MAVS: variants seen among roughly 807,000 people sequenced by gnomAD.
The protein encoded by MAVS is mitochondrial antiviral-signaling protein.
Under a neutral mutation model 30.2 loss-of-function variants are expected in MAVS, and 20 were observed. The ratio of observed to expected loss-of-function variants is 0.66; its 90% confidence interval spans 0.47 to 0.96. The LOEUF (loss-of-function observed/expected upper bound fraction) is 0.96. Among genes scored for constraint, MAVS ranks in the 40% least tolerant of loss-of-function variants. The pLI is 0.00. For missense variants in MAVS, 624 were observed against 701.1 expected, an observed-to-expected ratio of 0.89 and a Z score of 1.24; for synonymous variants, 278 against 293.9, an observed-to-expected ratio of 0.95 and a Z score of 0.55.
chr20:3,874,014 C>G lies in MAVS; in HGVS notation c.*7867C>G. On this transcript the variant is annotated 3_prime_UTR_variant, in exon 7 of 7. Coordinates refer to ENST00000428216, the MANE Select transcript of MAVS (RefSeq NM_020746.5). ...AACCTGAAACAACCCAAATGTCCAT[C>G]CACCAACCCAAATGTCCATCCACAG... 1 of 397,728 alleles carries G rather than the reference C, an allele frequency of 2.5e-6. No homozygotes were observed. The highest frequency in any genetic ancestry group is 4.4e-6 in the Non-Finnish European group (1 of 225,920). 24.6% of individuals were successfully genotyped at this position (397,728 alleles called of 1,614,324 possible). A position where few individuals can be genotyped will look rare whatever the true frequency, so the allele number is the denominator to read the frequency against.
intron 2 of MAVS, among the ~76,000 whole-genome samples, chr20:3,857,073 G>A (rs1314396035): frequency 1.3e-5 from 2 of 150,200 alleles, no homozygotes; most frequent in Non-Finnish European, 3.0e-5. Flanking sequence ...AAACTCTGCA[G>A]CCACTGTCAT....
rs570340628 is a variant in MAVS at position 3,848,395 on chromosome 20, G to C, written c.-68+1492G>C. 6.6e-5 allele frequency among the ~76,000 whole-genome samples: 10 copies of C among 152,262 alleles called. No individual in the cohort carries two copies. In the South Asian group the frequency reaches 8.3e-4, roughly 13 times the overall value. On this transcript the variant is annotated intron_variant, in intron 1 of 6. Coordinates refer to ENST00000428216, the MANE Select transcript of MAVS (RefSeq NM_020746.5). ...ATTCCAGGCGTGAGCCACCGCGCCCGGCCGAGAAAGGGATCTATTAACTCC... is the reference window on the plus strand; with the variant it reads ...ATTCCAGGCGTGAGCCACCGCGCCCCGCCGAGAAAGGGATCTATTAACTCC...
rs147063521 is a variant in MAVS, at chr20:3,870,975, G to A, written c.*4828G>A. ...GGCTCACTGCAACCTCCGCCTCCCA[G>A]GTTCAAGTGATTCTCCTGCTTCAGC... On this transcript the variant is annotated 3_prime_UTR_variant, in exon 7 of 7. Coordinates refer to ENST00000428216, the MANE Select transcript of MAVS (RefSeq NM_020746.5). 2 of 152,366 alleles carry A rather than the reference G, an allele frequency of 1.3e-5. No homozygotes were observed. The highest frequency in any genetic ancestry group is 2.9e-5 in the Non-Finnish European group (2 of 68,114). The allele number at this position is 152,366 out of a possible 1,614,324, so 9.4% of individuals were successfully genotyped here. A position where few individuals can be genotyped will look rare whatever the true frequency, so the allele number is the denominator to read the frequency against.
At chr20:3,854,886 C>CTTTTA in intron 2 of MAVS, 145 bp downstream of exon 2, 5 of 372,144 alleles carry the variant, frequency 1.3e-5, no homozygotes, top group East Asian at 5.4e-5. Flanking sequence ...GTCCTTGCTG[C>CTTTTA]TTTTCTTTTT....
In MAVS at chr20:3,865,780, G is replaced by A; in HGVS notation, c.1256G>A (p.Ser419Asn). The stretch of plus-strand genomic sequence containing the variant: ...AATAGGGGCCTTGGGTCGGAGCTGA[G>A]TAAGCCTGGCGTGCTGGCATCCCAG... ...SENRGLGSEL[S>N]KPGVLASQVD... The change falls in exon 7 of 7, where the codon AGT becomes AAT. Residue 419 changes from serine (S) to asparagine (N), a missense_variant. Transcript: ENST00000428216. This position sits in a 1 kb window ranked among gnomAD's most constrained non-coding sequence, Gnocchi z 4.7. The A allele has an allele frequency of 1.1e-5, 17 of 1,613,812 alleles. No individual in the cohort carries two copies. Among genetic ancestry groups the A allele is most frequent in the Non-Finnish European group, 1.4e-5 (17 of 1,180,004 alleles).
chr20:3,867,247 G>C lies in MAVS; in HGVS notation c.*1100G>C. ...AAGGGATTTATCTGTCTGTCCCTTA[G>C]TTTTCTCACCTGTAAAAGGAGGATA... On this transcript the variant is annotated 3_prime_UTR_variant, in exon 7 of 7. Coordinates refer to ENST00000428216, the MANE Select transcript of MAVS (RefSeq NM_020746.5). The C allele has an allele frequency of 2.8e-6, 1 of 358,160 alleles. No homozygotes were observed. The highest frequency in any genetic ancestry group is 2.1e-5 in the South Asian group (1 of 48,164). The allele number at this position is 358,160 out of a possible 1,614,324, so 22.2% of individuals were successfully genotyped here.
chr20:3,861,366 A>G lies in MAVS; in HGVS notation c.327A>G (p.Pro109=), dbSNP rs1404907920. The change falls in exon 4 of 7, where the codon CCA becomes CCG. Residue 109 remains proline, a synonymous_variant. Transcript: ENST00000428216. The part of the protein sequence containing the change: ...TSDRPPDPLE[P]PSLPAERPGP... ...ACCGTCCCCCAGACCCACTGGAGCC[A>G]CCGTCACTTCCTGCTGAGAGGCCAG... The G allele has an allele frequency of 6.2e-7, 1 of 1,613,940 alleles. No homozygotes were observed. The highest frequency in any genetic ancestry group is 8.5e-7 in the Non-Finnish European group (1 of 1,179,954).
Position 3,859,880 on chromosome 20 carries a change from C to G in MAVS, c.293-1452C>G, listed in dbSNP as rs745718190. ...CGCCCAGGCTGGAGTGCAGTGGTGCCATCTCAGCTCACTGCAAGCTCCGCC... is the reference window on the plus strand; with the variant it reads ...CGCCCAGGCTGGAGTGCAGTGGTGCGATCTCAGCTCACTGCAAGCTCCGCC... On this transcript the variant is annotated intron_variant, in intron 3 of 6. Coordinates refer to ENST00000428216, the MANE Select transcript of MAVS (RefSeq NM_020746.5). Among the ~76,000 whole-genome samples the G allele has an allele frequency of 1.2e-3, 173 of 148,242 alleles. 1 individual carries two copies. The highest frequency in any genetic ancestry group is 1.4e-3 in the Non-Finnish European group (93 of 66,586).
chr20:3,863,333 G>A (rs2089880547), intron 5 of MAVS, among the ~76,000 whole-genome samples: 2 of 152,130 alleles, frequency 1.3e-5, no homozygotes, highest in African/African-American at 4.8e-5. Context: ...CATGACGCTG[G>A]TGCCCAGTCA....
rs1225388194 is a variant in MAVS, at chr20:3,871,768, C to T, written c.*5621C>T. The T allele has an allele frequency of 6.6e-6, 1 of 152,284 alleles. No individual in the cohort carries two copies. Among genetic ancestry groups the T allele is most frequent in the Non-Finnish European group, 1.5e-5 (1 of 68,038 alleles). The allele number at this position is 152,284 out of a possible 1,614,324, so 9.4% of individuals were successfully genotyped here. A position where few individuals can be genotyped will look rare whatever the true frequency, so the allele number is the denominator to read the frequency against. Reference sequence around the variant, plus strand: ...TGAAATTGAGGCCTTCCCCTGTGTTCACCTTTCTGCTCTTTTTCTTTTAGC... The same window carrying T: ...TGAAATTGAGGCCTTCCCCTGTGTTTACCTTTCTGCTCTTTTTCTTTTAGC... On this transcript the variant is annotated 3_prime_UTR_variant, in exon 7 of 7. Transcript: ENST00000428216.
At chr20:3,856,827 A>T (rs1301873722) in intron 2 of MAVS, among the ~76,000 whole-genome samples, 14 of 151,716 alleles carry the variant, frequency 9.2e-5, no homozygotes, top group Admixed American at 9.2e-4. Flanking sequence ...TGAGGTCAGG[A>T]GTTCGAGACC....
At chr20:3,859,405 G>A (rs2089843857) in intron 3 of MAVS, among the ~76,000 whole-genome samples, 1 of 151,996 alleles carries the variant, frequency 6.6e-6, no homozygotes, top group South Asian at 2.1e-4. Context: ...CTACTTGGGA[G>A]GCTGAGGCAG....
At chr20:3,859,308 C>A (rs1219665186) in intron 3 of MAVS, among the ~76,000 whole-genome samples, 1 of 151,908 alleles carries the variant, frequency 6.6e-6, no homozygotes, top group Non-Finnish European at 1.5e-5. Flanking sequence ...GAGTTCGAGA[C>A]CAGCCTGGCC....
At chr20:3,851,990 CTTTT>C (rs770960832) in intron 1 of MAVS, among the ~76,000 whole-genome samples, 4 of 80,478 alleles carry the variant, frequency 5.0e-5, no homozygotes, top group South Asian at 3.6e-4. Context: ...GTGTAGCAGG[CTTTT>C]TTTTTTTTTT....
intron 3 of MAVS, among the ~76,000 whole-genome samples, chr20:3,860,986 CT>C (rs112042729): frequency 1.3e-4 from 18 of 142,322 alleles, no homozygotes; most frequent in Non-Finnish European, 2.6e-4. Flanking sequence ...CTGATTCCTT[CT>C]TTTTTTTTCT....
chr20:3,852,582 C>A (rs1184246983), intron 1 of MAVS, among the ~76,000 whole-genome samples: 1 of 152,082 alleles, frequency 6.6e-6, no homozygotes, highest in Admixed American at 6.6e-5. Context: ...ACATACAGAT[C>A]CCCCCACCGC....
In MAVS at chr20:3,871,406, G is replaced by A. The variant is rs2089954362; in HGVS notation, c.*5259G>A. ...GCAGGATCCTGTCTTCAGAGGAGGG[G>A]CCGAAGCGGGTTCCTCTGTTGTCAA... On this transcript the variant is annotated 3_prime_UTR_variant, in exon 7 of 7. Transcript: ENST00000428216. 2 of 153,788 alleles carry A rather than the reference G, an allele frequency of 1.3e-5. No homozygotes were observed. Among genetic ancestry groups the A allele is most frequent in the African/African-American group, 4.8e-5 (2 of 41,430 alleles). The allele number at this position is 153,788 out of a possible 1,614,324, so 9.5% of individuals were successfully genotyped here.
rs143700590 is a variant in MAVS, at chr20:3,854,424, C to CAAA, written c.-67-122_-67-120dup. 1.9e-4 allele frequency: 35 copies of CAAA among 188,532 alleles called. 1 individual carries two copies. Among genetic ancestry groups the CAAA allele is most frequent in the African/African-American group, 5.2e-4 (11 of 21,258 alleles). The allele number at this position is 188,532 out of a possible 1,614,324, so 11.7% of individuals were successfully genotyped here. ...TGGGTGACAAAGTGAGACTCGCTCT[C>CAAA]AAAAAAAAAAAAAAGAAGAAATTAA... On this transcript the variant is annotated intron_variant, in intron 1 of 6. Coordinates refer to ENST00000428216, the MANE Select transcript of MAVS (RefSeq NM_020746.5).
At chr20:3,858,165 C>A (rs2089829414) in intron 3 of MAVS, among the ~76,000 whole-genome samples, 1 of 152,086 alleles carries the variant, frequency 6.6e-6, no homozygotes, top group African/African-American at 2.4e-5. Flanking sequence ...ACTTTCACGG[C>A]TGTAGCATTC....
Sources: gnomAD v4.1 joint callset for allele counts (sites outside exome capture counted in the v4.1 genomes callset) on GRCh38, gnomAD v4.1.1 for gene constraint, Gnocchi (gnomAD v3.1) non-coding constraint, MANE v1.5 for transcripts, NCBI Gene and HGNC (gene_info 2026-07-23, HGNC 2026-07-21) for gene names.